The following PRKAR2A variants were observed in gnomAD, a reference collection of about 807,000 sequenced individuals.
PRKAR2A encodes the protein protein kinase cAMP-dependent type II regulatory subunit alpha.
Under a neutral mutation model 51.9 loss-of-function variants are expected in PRKAR2A, and 29 were observed. That is an observed-to-expected ratio of 0.56 (90% confidence interval 0.42 to 0.76). The LOEUF (loss-of-function observed/expected upper bound fraction) is 0.76. PRKAR2A is among the 30% of genes least tolerant of loss of function. The pLI, the probability that PRKAR2A is intolerant of heterozygous loss-of-function variation, is 0.00. For missense variants in PRKAR2A, 445 were observed against 512.1 expected (o/e 0.87, Z 1.26); for synonymous variants, 178 against 186.2 (o/e 0.96, Z 0.36).
chr3:48,773,765 C>CAT (rs1416714438), intron 5 of PRKAR2A, among the ~76,000 whole-genome samples: 1 of 151,538 alleles, frequency 6.6e-6, no homozygotes, highest in African/African-American at 2.4e-5. Context: ...CACACACACA[C>CAT]ATATATACAT....
chr3:48,819,929 C>T (rs1308689000), intron 1 of PRKAR2A, among the ~76,000 whole-genome samples: 1 of 152,194 alleles, frequency 6.6e-6, no homozygotes, highest in Non-Finnish European at 1.5e-5. Flanking sequence ...TGGCCTCTCA[C>T]AGATGTGAAG....
chr3:48,824,362 T>TCCAGCCTG (rs1202832511), intron 1 of PRKAR2A, among the ~76,000 whole-genome samples: 2 of 151,426 alleles, frequency 1.3e-5, no homozygotes, highest in African/African-American at 4.9e-5. Context: ...GCCACTGTGC[T>TCCAGCCTG]CCAGCCTGGG....
intron 6 of PRKAR2A, among the ~76,000 whole-genome samples, chr3:48,766,117 T>G (rs991840850): frequency 6.6e-6 from 1 of 151,610 alleles, no homozygotes; most frequent in Non-Finnish European, 1.5e-5. Context: ...CTTGGGTGGC[T>G]GAGGTGAAAG....
chr3:48,783,323 C>A (rs1265408598), intron 4 of PRKAR2A, among the ~76,000 whole-genome samples: 1 of 152,158 alleles, frequency 6.6e-6, no homozygotes, highest in African/African-American at 2.4e-5. Flanking sequence ...TTTGAAAAAG[C>A]TTCCCAAAAT....
At chr3:48,829,871 ATTTTTTTTTT>A (rs763726926) in intron 1 of PRKAR2A, among the ~76,000 whole-genome samples, 8 of 87,722 alleles carry the variant, frequency 9.1e-5, no homozygotes, top group Admixed American at 4.0e-4. Flanking sequence ...ATATATATAT[ATTTTTTTTTT>A]TTTTTTAAGC....
intron 2 of PRKAR2A, among the ~76,000 whole-genome samples, chr3:48,801,183 G>C (rs923827446): frequency 1.3e-5 from 2 of 151,812 alleles, no homozygotes; most frequent in African/African-American, 2.4e-5. Flanking sequence ...ACGGAATTTC[G>C]CTCTTGTTGC....
Position 48,790,610 on chromosome 3 carries a change from A to T in PRKAR2A, c.369T>A (p.Thr123=). The T allele has an allele frequency of 6.7e-7, 1 of 1,493,216 alleles. No homozygotes were observed. The highest frequency in any genetic ancestry group is 8.9e-7 in the Non-Finnish European group (1 of 1,118,696). The allele number at this position is 1,493,216 out of a possible 1,614,324, so 92.5% of individuals were successfully genotyped here. Residue 123 remains threonine (T), a synonymous_variant, in exon 4 of 11, where the codon ACT becomes ACA. Coordinates refer to ENST00000265563, the MANE Select transcript of PRKAR2A (RefSeq NM_004157.4). ...DTDPRVIHPK[T]DEQRCRLQEA... is the part of the protein sequence containing the mutation. ...CCTGAAGTCTGCATCTCTGTTCATCAGTTTTAGGATGAATCACCTGCCAAT... is the reference window on the plus strand; with the variant it reads ...CCTGAAGTCTGCATCTCTGTTCATCTGTTTTAGGATGAATCACCTGCCAAT...
intron 2 of PRKAR2A, among the ~76,000 whole-genome samples, chr3:48,802,019 C>T (rs1371033131): frequency 6.6e-6 from 1 of 152,192 alleles, no homozygotes; most frequent in Admixed American, 6.5e-5. Flanking sequence ...AAGCGATTCT[C>T]CTGCCTCAGC....
intron 1 of PRKAR2A, among the ~76,000 whole-genome samples, chr3:48,829,933 C>G (rs559388044): frequency 1.4e-5 from 2 of 143,456 alleles, no homozygotes; most frequent in Non-Finnish European, 3.0e-5. Context: ...CACAGTGGCT[C>G]ACGCCTATAA....
intron 8 of PRKAR2A, among the ~76,000 whole-genome samples, chr3:48,757,510 T>C (rs1486301850): frequency 1.3e-5 from 2 of 152,244 alleles, no homozygotes; most frequent in Non-Finnish European, 1.5e-5. Context: ...ATATTTTTTG[T>C]ATCTGGCTTA....
At chr3:48,822,339 G>A (rs2082981314) in intron 1 of PRKAR2A, among the ~76,000 whole-genome samples, 1 of 151,264 alleles carries the variant, frequency 6.6e-6, no homozygotes, top group Non-Finnish European at 1.5e-5. Flanking sequence ...GCTGTTTAAT[G>A]TGTCCCTGGC....
chr3:48,810,235 TGTGTACAC>T (rs753343019), intron 1 of PRKAR2A, among the ~76,000 whole-genome samples: 1 of 151,136 alleles, frequency 6.6e-6, no homozygotes, highest in African/African-American at 2.4e-5. Flanking sequence ...TGTGTGTGTG[TGTGTACAC>T]ACACACACAC....
At chr3:48,761,456 C>T (rs2081862372) in intron 8 of PRKAR2A, among the ~76,000 whole-genome samples, 1 of 152,056 alleles carries the variant, frequency 6.6e-6, no homozygotes. Flanking sequence ...AGATGGAAAA[C>T]ATACATTAGA....
chr3:48,825,979 C>T (rs908281024), intron 1 of PRKAR2A, among the ~76,000 whole-genome samples: 3 of 152,128 alleles, frequency 2.0e-5, no homozygotes, highest in African/African-American at 7.2e-5. Context: ...CAACTCATTA[C>T]AAATTCAGGG....
At chr3:48,805,530 T>G (rs921959813) in intron 2 of PRKAR2A, among the ~76,000 whole-genome samples, 1 of 152,176 alleles carries the variant, frequency 6.6e-6, no homozygotes, top group African/African-American at 2.4e-5. Context: ...TATGGGCATA[T>G]GCTCACCTCA....
chr3:48,781,836 G>A (rs1449063569), intron 5 of PRKAR2A, among the ~76,000 whole-genome samples: 1 of 151,768 alleles, frequency 6.6e-6, no homozygotes, highest in Admixed American at 6.6e-5. Flanking sequence ...TAAGTAGAGG[G>A]AGTTTCACCA....
intron 2 of PRKAR2A, among the ~76,000 whole-genome samples, chr3:48,802,365 G>A (rs1295103832): frequency 6.6e-6 from 1 of 152,050 alleles, no homozygotes; most frequent in African/African-American, 2.4e-5. Flanking sequence ...ATGAAGGTCT[G>A]AAGAATGTGA....
At chr3:48,822,676 T>C (rs972265447) in intron 1 of PRKAR2A, among the ~76,000 whole-genome samples, 10 of 151,094 alleles carry the variant, frequency 6.6e-5, no homozygotes, top group African/African-American at 2.4e-4. Flanking sequence ...AATCATGCAA[T>C]AATATGCAGA....
Position 48,790,543 on chromosome 3 carries a change from C to T in PRKAR2A, c.435+1G>A, listed in dbSNP as rs1288693140. ...AAAAATACTTTAGAAATCAATGTTACCTGATCAAGATTTTTGAAAAGGAGA... is the reference window on the plus strand; with the variant it reads ...AAAAATACTTTAGAAATCAATGTTATCTGATCAAGATTTTTGAAAAGGAGA... On this transcript the variant is annotated splice_donor_variant, in intron 4 of 10. Coordinates refer to ENST00000265563, the MANE Select transcript of PRKAR2A (RefSeq NM_004157.4). LOFTEE classifies it high-confidence loss of function. 2 of 1,529,570 alleles carry T rather than the reference C, an allele frequency of 1.3e-6. No homozygotes were observed. Among genetic ancestry groups the T allele is most frequent in the East Asian group, 2.4e-5 (1 of 41,760 alleles). The allele number at this position is 1,529,570 out of a possible 1,614,324, so 94.7% of individuals were successfully genotyped here.
Sources: gnomAD v4.1 joint callset for allele counts (sites outside exome capture counted in the v4.1 genomes callset) on GRCh38, gnomAD v4.1.1 for gene constraint, MANE v1.5 for transcripts, NCBI Gene and HGNC (gene_info 2026-07-23, HGNC 2026-07-21) for gene names.